F5: variants seen among roughly 807,000 people sequenced by gnomAD.
F5 encodes the protein activated protein c cofactor.
A neutral mutation model predicts 216.4 loss-of-function variants in F5; 138 were observed. The ratio of observed to expected loss-of-function variants is 0.64; its 90% CI spans 0.56 to 0.73. The LOEUF (loss-of-function observed/expected upper bound fraction) is 0.73. Among genes scored for constraint, F5 ranks in the 30% least tolerant of loss-of-function variants. F5 has a pLI of 0.00. For missense variants in F5, 2,403 were observed against 2,674.0 expected (o/e 0.90, Z 2.24); for synonymous variants, 916 against 930.7 (o/e 0.98, Z 0.29).
At chr1:169,559,622 G>A (rs922565932) in intron 4 of F5, among the ~76,000 whole-genome samples, 54 of 152,014 alleles carry the variant, frequency 3.6e-4, no homozygotes, top group African/African-American at 1.2e-3. Flanking sequence ...ATATAGATAC[G>A]TTAGCTCAGT....
Position 169,523,252 on chromosome 1 carries a change from C to T in F5, c.5993G>A (p.Ser1998Asn). ...GATCTGCCAGTTGATCTGGTTGGAACTGTAAGCTACATAGAACTCTGTGGT... is the reference window on the plus strand; with the variant it reads ...GATCTGCCAGTTGATCTGGTTGGAATTGTAAGCTACATAGAACTCTGTGGT... ...CYTTEFYVAY[S>N]SNQINWQIFK... The change falls in exon 21 of 25, where the codon AGT becomes AAT. Residue 1998 changes from serine (S) to asparagine (N), a missense_variant. By Grantham distance (46) the Ser-to-Asn change is conservative. This residue lies in a region of F5 where 659 missense variants were observed against 787.9 expected (regional missense o/e 0.84). Transcript: ENST00000367797. The T allele has an allele frequency of 3.1e-6, 5 of 1,614,088 alleles. No homozygotes were observed. Among genetic ancestry groups the T allele is most frequent in the Non-Finnish European group, 4.2e-6 (5 of 1,179,976 alleles).
intron 7 of F5, 113 bp downstream of exon 7, chr1:169,555,069 C>A: frequency 8.4e-7 from 1 of 1,187,564 alleles, no homozygotes. Flanking sequence ...TGAATAGAAA[C>A]CAATACATGT....
Position 169,530,896 on chromosome 1 carries a change from C to A in F5, c.5098G>T (p.Val1700Phe). ...SPEWFKEDNA[V>F]QPNSSYTYVW... The stretch of plus-strand genomic sequence containing the variant: ...TAGGTATAACTGCTATTTGGCTGAA[C>A]AGCATTATCTTCCTTAAACCATTCA... The change falls in exon 15 of 25, where the codon GTT becomes TTT. Residue 1700 changes from valine to phenylalanine, a missense_variant. Physicochemically the swap from Val to Phe is conservative, Grantham distance 50 (BLOSUM62 -1). Transcript: ENST00000367797. The A allele has an allele frequency of 2.5e-6, 4 of 1,613,938 alleles. No individual in the cohort carries two copies. The highest frequency in any genetic ancestry group is 3.4e-6 in the Non-Finnish European group (4 of 1,179,850).
chr1:169,549,668 G>T, intron 10 of F5, 133 bp downstream of exon 10: 1 of 666,608 alleles, frequency 1.5e-6, no homozygotes, highest in Non-Finnish European at 2.6e-6. Context: ...TATCACACTG[G>T]TGCTAAAAAG....
At chr1:169,520,283 G>A (rs1332975221) in intron 22 of F5, among the ~76,000 whole-genome samples, 5 of 152,172 alleles carry the variant, frequency 3.3e-5, no homozygotes, top group Non-Finnish European at 5.9e-5. Flanking sequence ...GAGTTGTGAT[G>A]TGTCTATATA....
At position 169,552,754 on chromosome 1, in the gene F5, A is replaced by T. The variant is rs561318520; in HGVS notation, c.1119-20T>A. 2 of 1,571,546 alleles carry T rather than the reference A, an allele frequency of 1.3e-6. No homozygotes were observed. The highest frequency in any genetic ancestry group is 1.7e-5 in the Admixed American group (1 of 59,912). On this transcript the variant is annotated intron_variant, in intron 7 of 24. Coordinates refer to ENST00000367797, the MANE Select transcript of F5 (RefSeq NM_000130.5). ...TATTTTCTTAAAGTGAAGTAAAAAA[A>T]AATTAAACCACTTTCTCAAATAGAG...
chr1:169,536,413 T>C, intron 14 of F5, 93 bp downstream of exon 14: 1 of 1,021,050 alleles, frequency 9.8e-7, no homozygotes, highest in South Asian at 1.3e-5. Context: ...AACAAACAAA[T>C]CACCTATAGC....
chr1:169,528,250 C>T (rs1659505535), intron 16 of F5, among the ~76,000 whole-genome samples, 156 bp from the exon 17 acceptor site: 2 of 152,190 alleles, frequency 1.3e-5, no homozygotes, highest in African/African-American at 4.8e-5. Flanking sequence ...TTGTATGTCA[C>T]ATTAGTGAGA....
chr1:169,513,937 T>A lies in F5; in HGVS notation c.*376A>T, dbSNP rs76510731. On this transcript the variant is annotated 3_prime_UTR_variant, in exon 25 of 25. Transcript: ENST00000367797. ...TGTTTGTGAAAGTTATCCAGGTCTA[T>A]CAATTATTATTTAAAGTAATATCTG... 6.7e-3 allele frequency among the ~76,000 whole-genome samples: 1,023 copies of A among 152,274 alleles called. 9 individuals are homozygous for A. Among genetic ancestry groups the A allele is most frequent in the African/African-American group, 0.024 (979 of 41,572 alleles).
At chr1:169,576,632 C>T (rs1660855565) in intron 2 of F5, among the ~76,000 whole-genome samples, 1 of 152,128 alleles carries the variant, frequency 6.6e-6, no homozygotes, top group Non-Finnish European at 1.5e-5. Context: ...GATGTCTACA[C>T]CTCTTTTGAC....
chr1:169,576,583 C>T (rs1020361756), intron 2 of F5, among the ~76,000 whole-genome samples: 14 of 152,140 alleles, frequency 9.2e-5, no homozygotes, highest in South Asian at 4.1e-4. Flanking sequence ...ATTCCTTCCA[C>T]GGGGCAGGCT....
rs1660745357 is a variant in F5 at position 169,572,356 on chromosome 1, A to G, written c.251-13T>C. ...GGCCCAAGAAGTCCTGTGAAAACAAATATTTAAACTATGTCTGTATTCAGG... is the reference window on the plus strand; with the variant it reads ...GGCCCAAGAAGTCCTGTGAAAACAAGTATTTAAACTATGTCTGTATTCAGG... On this transcript the variant is annotated splice_polypyrimidine_tract_variant and intron_variant, in intron 2 of 24. Coordinates refer to ENST00000367797, the MANE Select transcript of F5 (RefSeq NM_000130.5). The G allele has an allele frequency of 2.5e-6, 4 of 1,612,648 alleles. No homozygotes were observed. In the African/African-American group the frequency reaches 4.0e-5, roughly 16 times the overall value.
intron 2 of F5, among the ~76,000 whole-genome samples, chr1:169,578,460 C>T (rs576091391): frequency 1.2e-4 from 19 of 152,190 alleles, no homozygotes; most frequent in Non-Finnish European, 2.2e-4. Context: ...AAGTCTTCAG[C>T]CTGGAATTAG....
chr1:169,527,514 T>C (rs1659486627), intron 17 of F5, among the ~76,000 whole-genome samples: 1 of 152,142 alleles, frequency 6.6e-6, no homozygotes, highest in African/African-American at 2.4e-5. Context: ...CCCAAAGATA[T>C]TAGGGTGATA....
intron 8 of F5, 22 bp from the exon 9 acceptor site, chr1:169,550,761 A>G (rs768176502): frequency 1.3e-6 from 2 of 1,532,096 alleles, no homozygotes; most frequent in South Asian, 1.1e-5. Flanking sequence ...AATCAAATTT[A>G]TTCTAGGATT....
Position 169,523,255 on chromosome 1 carries a change from T to C in F5, c.5990A>G (p.Tyr1997Cys). The change falls in exon 21 of 25, where the codon TAC becomes TGC. Residue 1997 changes from tyrosine to cysteine, a missense_variant. Physicochemically the swap from Tyr to Cys is radical, Grantham distance 194 (BLOSUM62 -2). Around this residue, in one of 4 missense-constraint regions of F5, gnomAD observed 659 missense variants for 787.9 expected, o/e 0.84. Coordinates refer to ENST00000367797, the MANE Select transcript of F5 (RefSeq NM_000130.5). ...SCYTTEFYVA[Y>C]SSNQINWQIF... ...CTGCCAGTTGATCTGGTTGGAACTG[T>C]AAGCTACATAGAACTCTGTGGTATA... 1 of 1,614,114 alleles carries C rather than the reference T, an allele frequency of 6.2e-7. No individual in the cohort carries two copies. The highest frequency in any genetic ancestry group is 8.5e-7 in the Non-Finnish European group (1 of 1,179,984).
chr1:169,514,399 T>A lies in F5; in HGVS notation c.6589A>T (p.Ile2197Phe), dbSNP rs372005449. Residue 2197 changes from isoleucine to phenylalanine, a missense_variant, in exon 25 of 25, where the codon ATT becomes TTT. Transcript: ENST00000367797. The part of the protein sequence containing the change: ...HVKNFFNPPI[I>F]SRFIRVIPKT... ...GGAATGACACGGATAAACCTGGAAATGATTGGGGGGTTGAAAAAGTTCTTC... is the reference window on the plus strand; with the variant it reads ...GGAATGACACGGATAAACCTGGAAAAGATTGGGGGGTTGAAAAAGTTCTTC... 8 of 1,613,202 alleles carry A rather than the reference T, an allele frequency of 5.0e-6. No homozygotes were observed. In the East Asian group the frequency reaches 1.8e-4, roughly 36 times the overall value.
intron 20 of F5, 43 bp from the exon 21 acceptor site, chr1:169,523,395 C>T: frequency 6.2e-7 from 1 of 1,608,958 alleles, no homozygotes; most frequent in Non-Finnish European, 8.5e-7. Context: ...TCCTTGTCAA[C>T]AAGTCACACA....
intron 23 of F5, among the ~76,000 whole-genome samples, chr1:169,516,741 A>G (rs1197686447): frequency 6.6e-6 from 1 of 152,226 alleles, no homozygotes; most frequent in African/African-American, 2.4e-5. Flanking sequence ...GCATCACTGC[A>G]TATGTCCAGC....
Sources: gnomAD v4.1 joint callset for allele counts (sites outside exome capture counted in the v4.1 genomes callset) on GRCh38, gnomAD v4.1.1 for gene constraint, gnomAD v4.1.1 regional missense constraint, MANE v1.5 for transcripts, NCBI Gene and HGNC (gene_info 2026-07-23, HGNC 2026-07-21) for gene names.